The following RTP2 variants were observed in gnomAD, a reference collection of about 807,000 sequenced individuals.
RTP2 encodes receptor-transporting protein 2.
A neutral mutation model predicts 17.9 loss-of-function variants in RTP2; 12 were observed. The ratio of observed to expected loss-of-function variants is 0.67; its 90% CI spans 0.43 to 1.09. The LOEUF (loss-of-function observed/expected upper bound fraction) is 1.09. Ranked by LOEUF, RTP2 falls within the 50% of genes least tolerant of loss-of-function variation. The pLI is 0.00. For missense variants in RTP2, 327 were observed against 295.7 expected (o/e 1.11, Z -0.78); for synonymous variants, 126 against 117.7 (o/e 1.07, Z -0.46).
At chr3:187,714,296 C>T in the RTP2 span, among the ~76,000 whole-genome samples, 4 of 152,208 alleles carry the variant, frequency 2.6e-5, no homozygotes, top group Admixed American at 2.0e-4. Context: ...GATATAACCC[C>T]TTACCTTTTC....
chr3:187,710,239 C>T, the RTP2 span, among the ~76,000 whole-genome samples: 1 of 152,074 alleles, frequency 6.6e-6, no homozygotes, highest in South Asian at 2.1e-4. Context: ...ACAAGATCAG[C>T]TCTCTGGCTC....
the RTP2 span, among the ~76,000 whole-genome samples, chr3:187,714,836 G>A: frequency 7.9e-5 from 12 of 152,160 alleles, 1 homozygote; most frequent in East Asian, 2.3e-3. Flanking sequence ...AGCCTCACAG[G>A]TTTGGGAAAT....
the RTP2 span, among the ~76,000 whole-genome samples, chr3:187,710,713 C>T: frequency 1.3e-5 from 2 of 151,970 alleles, no homozygotes; most frequent in South Asian, 2.1e-4. Flanking sequence ...ATTAATACAC[C>T]ATAATTCTCT....
exon 2 of RTP2, chr3:187,698,556 G>C (rs775491867): frequency 6.2e-7 from 1 of 1,614,176 alleles, no homozygotes; most frequent in Non-Finnish European, 8.5e-7. Context: ...CAGGCAGAGA[G>C]AGGCCCAGAA....
At chr3:187,714,671 C>T in the RTP2 span, among the ~76,000 whole-genome samples, 4 of 152,206 alleles carry the variant, frequency 2.6e-5, no homozygotes, top group African/African-American at 9.7e-5. Flanking sequence ...CATGCACTCA[C>T]TCCTTTGCTC....
upstream of RTP2, among the ~76,000 whole-genome samples, chr3:187,704,139 A>T (rs563665219): frequency 1.7e-3 from 266 of 152,326 alleles, 1 homozygote; most frequent in Admixed American, 4.1e-3. Flanking sequence ...ATACTTTTTC[A>T]AATAAAGAAA....
At chr3:187,701,980 T>G (rs750098061) in exon 1 of RTP2, 3 of 1,604,116 alleles carry the variant, frequency 1.9e-6, no homozygotes, top group Non-Finnish European at 2.6e-6. Context: ...TGAGGCGTGC[T>G]GCTCCAGGTA....
At chr3:187,713,326 T>C in the RTP2 span, among the ~76,000 whole-genome samples, 3 of 152,162 alleles carry the variant, frequency 2.0e-5, no homozygotes, top group African/African-American at 7.2e-5. Flanking sequence ...CTGTTGTGAG[T>C]TGAAAAAGCT....
chr3:187,711,753 C>T, the RTP2 span, among the ~76,000 whole-genome samples: 2 of 152,166 alleles, frequency 1.3e-5, no homozygotes, highest in Admixed American at 6.5e-5. Flanking sequence ...TCTCAGTTTC[C>T]ACATCTGTAA....
the RTP2 span, among the ~76,000 whole-genome samples, chr3:187,708,074 T>C: frequency 2.6e-5 from 4 of 152,250 alleles, no homozygotes; most frequent in South Asian, 2.1e-4. Flanking sequence ...TAATGAGTTT[T>C]TATTGTCCGT....
the RTP2 span, among the ~76,000 whole-genome samples, chr3:187,714,803 C>G: frequency 6.6e-6 from 1 of 152,082 alleles, no homozygotes; most frequent in African/African-American, 2.4e-5. Context: ...AGGCAGGGGT[C>G]TTGGTGTTTG....
chr3:187,706,790 A>G (rs1327973380), upstream of RTP2, among the ~76,000 whole-genome samples: 1 of 152,068 alleles, frequency 6.6e-6, no homozygotes, highest in Non-Finnish European at 1.5e-5. Flanking sequence ...TTTAGTAGAG[A>G]TGGGGTTTCA....
the RTP2 span, among the ~76,000 whole-genome samples, chr3:187,714,316 T>C: frequency 3.8e-5 from 4 of 106,344 alleles, no homozygotes; most frequent in African/African-American, 9.9e-5. Flanking sequence ...CGAGAAGAGC[T>C]GGAAATTCCT....
At chr3:187,701,853 C>G in intron 1 of RTP2, 112 bp downstream of exon 1, 1 of 957,970 alleles carries the variant, frequency 1.0e-6, no homozygotes, top group Non-Finnish European at 1.5e-6. Context: ...TTTTCCCCAT[C>G]TGAGCTGACA....
chr3:187,714,335 A>G, the RTP2 span, among the ~76,000 whole-genome samples: 9 of 46,346 alleles, frequency 1.9e-4, no homozygotes, highest in Non-Finnish European at 9.0e-4. Context: ...CTGATCCCCA[A>G]AGGAATGATT....
At chr3:187,705,573 T>C (rs73043396), upstream of RTP2, among the ~76,000 whole-genome samples, 10,140 of 152,190 alleles carry the variant, frequency 0.067, 695 homozygotes, top group African/African-American at 0.17. Flanking sequence ...CCAATTCACA[T>C]AAGGAAAGGA....
At chr3:187,700,384 C>T (rs772703156) in intron 1 of RTP2, among the ~76,000 whole-genome samples, 1 of 152,202 alleles carries the variant, frequency 6.6e-6, no homozygotes, top group Non-Finnish European at 1.5e-5. Flanking sequence ...TGAGCCTGTG[C>T]ACAAATAAGC....
At chr3:187,704,737 G>A (rs1456854776), upstream of RTP2, among the ~76,000 whole-genome samples, 3 of 152,166 alleles carry the variant, frequency 2.0e-5, no homozygotes, top group Admixed American at 6.5e-5. Flanking sequence ...GTATTTTCAA[G>A]AGATATTAGG....
At chr3:187,713,200 T>C in the RTP2 span, among the ~76,000 whole-genome samples, 1 of 152,234 alleles carries the variant, frequency 6.6e-6, no homozygotes, top group African/African-American at 2.4e-5. Context: ...TACACTGTGA[T>C]GCAGGTGGTG....
Sources: allele counts gnomAD v4.1 joint callset (sites outside exome capture counted in the v4.1 genomes callset), GRCh38; gene constraint gnomAD v4.1.1; transcripts MANE v1.5; gene names NCBI Gene and HGNC (gene_info 2026-07-23, HGNC 2026-07-21).